Variants in NAALADL2 observed in about 807,000 individuals in gnomAD.
NAALADL2 encodes inactive N-acetylated-alpha-linked acidic dipeptidase-like protein 2.
A neutral mutation model predicts 87.2 loss-of-function variants in NAALADL2; 76 were observed. That is an observed-to-expected ratio of 0.87 (90% CI 0.72 to 1.05). The LOEUF is 1.05. NAALADL2 is among the 50% of genes least tolerant of loss of function. NAALADL2 has a pLI of 0.00. For synonymous variants in NAALADL2, 354 were observed against 331.0 expected (o/e 1.07, Z -0.75); for missense variants, 1,089 against 945.8 (o/e 1.15, Z -1.99).
At chr3:174,799,083 T>C (rs1718489803) in intron 3 of NAALADL2, among the ~76,000 whole-genome samples, 1 of 151,958 alleles carries the variant, frequency 6.6e-6, no homozygotes, top group Admixed American at 6.6e-5. Flanking sequence ...GGCAGGAGAA[T>C]TGCTTGAACC....
chr3:174,991,997 T>C (rs1746813644), intron 1 of NAALADL2, among the ~76,000 whole-genome samples: 4 of 152,000 alleles, frequency 2.6e-5, no homozygotes, highest in Admixed American at 2.6e-4. Context: ...TAAATCATAA[T>C]TTACTGTTTT....
At chr3:174,476,340 A>T (rs1717209381) in intron 1 of NAALADL2, among the ~76,000 whole-genome samples, 1 of 151,696 alleles carries the variant, frequency 6.6e-6, no homozygotes, top group South Asian at 2.1e-4. Context: ...CTATCAAAGA[A>T]CTTTATAGAT....
chr3:175,157,387 A>G (rs1344844201), intron 2 of NAALADL2, among the ~76,000 whole-genome samples: 1 of 152,100 alleles, frequency 6.6e-6, no homozygotes, highest in East Asian at 1.9e-4. Context: ...CAGTTTTATC[A>G]TTTGTAAAAT....
At chr3:175,708,703 C>A (rs565991751) in intron 11 of NAALADL2, among the ~76,000 whole-genome samples, 1 of 151,424 alleles carries the variant, frequency 6.6e-6, no homozygotes, top group Non-Finnish European at 1.5e-5. Context: ...TAGAGGGATA[C>A]ATTTCCCTCC....
At chr3:174,983,198 A>AG (rs761718506) in intron 1 of NAALADL2, among the ~76,000 whole-genome samples, 15 of 152,320 alleles carry the variant, frequency 9.8e-5, no homozygotes, top group Non-Finnish European at 1.9e-4. Context: ...AAAAGGAAAG[A>AG]GGGGACAGTA....
chr3:175,584,846 G>A (rs568883288), intron 10 of NAALADL2, among the ~76,000 whole-genome samples: 2 of 152,222 alleles, frequency 1.3e-5, no homozygotes, highest in Non-Finnish European at 2.9e-5. Flanking sequence ...AGGACTGGAA[G>A]TTTCTCTGGG....
rs558050540 is a variant in NAALADL2, at chr3:174,839,786, C to CCA, written c.-9+102043_-9+102044dup. Among the ~76,000 whole-genome samples, 24 of 151,812 alleles carry CCA rather than the reference C, an allele frequency of 1.6e-4. No homozygotes were observed. The East Asian group carries it at 4.6e-3, about 29-fold the overall frequency. On this transcript the variant is annotated intron_variant, in intron 3 of 3. Coordinates refer to the NAALADL2 transcript ENST00000434257. ...ATTATCAAGGAAATGCAAATCAGAA[C>CCA]CACAGTGTGATACCACCTTACTCCT...
rs1428772696 is a variant in NAALADL2 at position 174,787,575 on chromosome 3, T to C, written c.-9+49829T>C. ...TTTAATAGAAGAAGGCAATATATCA[T>C]CATATATATATATATATATATATAT... On this transcript the variant is annotated intron_variant, in intron 3 of 3. Transcript: ENST00000434257. Among the ~76,000 whole-genome samples the C allele has an allele frequency of 1.5e-4, 2 of 13,062 alleles. 1 individual carries two copies. The highest frequency in any genetic ancestry group is 3.0e-4 in the Non-Finnish European group (2 of 6,640). The allele number at this position is 13,062 out of a possible 152,430, so 8.6% of individuals were successfully genotyped here.
chr3:175,274,518 T>A (rs1753302835), intron 4 of NAALADL2, among the ~76,000 whole-genome samples: 1 of 152,198 alleles, frequency 6.6e-6, no homozygotes, highest in South Asian at 2.1e-4. Flanking sequence ...ACTTCTTTAT[T>A]TTGTTTTAAC....
chr3:174,672,955 G>C (rs1726708680), intron 2 of NAALADL2, among the ~76,000 whole-genome samples: 1 of 151,978 alleles, frequency 6.6e-6, no homozygotes, highest in Non-Finnish European at 1.5e-5. Context: ...CTGTCGTGGG[G>C]TTGTACACAG....
chr3:175,355,267 A>G (rs1764241280), intron 5 of NAALADL2, among the ~76,000 whole-genome samples: 1 of 151,774 alleles, frequency 6.6e-6, no homozygotes, highest in East Asian at 1.9e-4. Context: ...GGGTTTCACC[A>G]TGTTGCCCAG....
chr3:175,472,748 A>G (rs2149296377), intron 9 of NAALADL2, among the ~76,000 whole-genome samples: 1 of 152,298 alleles, frequency 6.6e-6, no homozygotes, highest in Non-Finnish European at 1.5e-5. Context: ...ATTATGAAAC[A>G]TGAAGTAGAT....
intron 1 of NAALADL2, among the ~76,000 whole-genome samples, chr3:175,023,673 C>A (rs1382095067): frequency 1.3e-5 from 2 of 152,020 alleles, no homozygotes; most frequent in African/African-American, 4.8e-5. Flanking sequence ...AAATATATTT[C>A]TTGACATCAC....
chr3:175,325,239 A>C (rs1372513469), intron 5 of NAALADL2, among the ~76,000 whole-genome samples: 1 of 152,212 alleles, frequency 6.6e-6, no homozygotes, highest in Non-Finnish European at 1.5e-5. Flanking sequence ...TTTACCAATT[A>C]ATTAGCAACT....
intron 1 of NAALADL2, among the ~76,000 whole-genome samples, chr3:174,996,883 C>A (rs755121978): frequency 1.3e-5 from 2 of 151,922 alleles, no homozygotes; most frequent in Admixed American, 6.6e-5. Flanking sequence ...TGAGAACATA[C>A]AATATTTGGT....
intron 1 of NAALADL2, among the ~76,000 whole-genome samples, chr3:174,506,476 C>T (rs978510737): frequency 3.9e-5 from 6 of 152,040 alleles, no homozygotes; most frequent in African/African-American, 1.4e-4. Context: ...CCACTACCTC[C>T]GGTCTATGTC....
chr3:175,575,486 T>G (rs1038169457), intron 9 of NAALADL2, among the ~76,000 whole-genome samples: 3 of 152,000 alleles, frequency 2.0e-5, no homozygotes, highest in African/African-American at 4.8e-5. Flanking sequence ...GCTTTCACCA[T>G]GTTGGCCAGG....
intron 4 of NAALADL2, among the ~76,000 whole-genome samples, chr3:175,305,248 GTA>G (rs905602646): frequency 3.5e-4 from 43 of 124,202 alleles, no homozygotes; most frequent in African/African-American, 1.2e-3. Context: ...GTGTGTTTGT[GTA>G]TGTGTGTGTG....
At chr3:174,515,815 C>T (rs779974723) in intron 1 of NAALADL2, among the ~76,000 whole-genome samples, 19 of 151,850 alleles carry the variant, frequency 1.3e-4, no homozygotes, top group Non-Finnish European at 7.4e-5. Context: ...CCAGTTTAGA[C>T]ATTTTCTCAA....
Sources: gnomAD v4.1 joint callset for allele counts (sites outside exome capture counted in the v4.1 genomes callset) on GRCh38, gnomAD v4.1.1 for gene constraint, MANE v1.5 for transcripts, NCBI Gene and HGNC (gene_info 2026-07-23, HGNC 2026-07-21) for gene names.